The following DENND3 variants were observed in gnomAD, a reference collection of about 807,000 sequenced individuals.
DENND3 encodes the protein DENN domain-containing protein 3.
In DENND3, 88 loss-of-function variants were observed where a neutral mutation model predicts 135.1. The observed-to-expected ratio is 0.65, with a 90% CI of 0.55 to 0.78. The LOEUF is 0.78. DENND3 is among the 30% of genes least tolerant of loss of function. The pLI is 0.00. For synonymous variants in DENND3, 693 were observed against 712.3 expected (o/e 0.97, Z 0.43); for missense variants, 1,392 against 1,688.4 (o/e 0.82, Z 3.08).
chr8:141,128,661 C>A lies in DENND3; in HGVS notation c.-47C>A, dbSNP rs772484656. Reference sequence around the variant, plus strand: ...CCCCAGGGGTCTGCGGGCGACTGCGCGGCTGAGGCGCCCGAGTGCGGTACT... The same window carrying A: ...CCCCAGGGGTCTGCGGGCGACTGCGAGGCTGAGGCGCCCGAGTGCGGTACT... On this transcript the variant is annotated 5_prime_UTR_variant, in exon 1 of 23. Transcript: ENST00000519811. This position sits in a 1 kb window ranked among gnomAD's most constrained non-coding sequence, Gnocchi z 4.5. The A allele has an allele frequency of 1.6e-6, 2 of 1,253,060 alleles. No individual in the cohort carries two copies. 77.6% of individuals were successfully genotyped at this position (1,253,060 alleles called of 1,614,324 possible).
At position 141,176,542 on chromosome 8, in the gene DENND3, C is replaced by T. The variant is rs371672180; in HGVS notation, c.2536-49C>T. On this transcript the variant is annotated intron_variant, in intron 14 of 22. Coordinates refer to ENST00000519811, the MANE Select transcript of DENND3 (RefSeq NM_001352890.3). ...TCTGCCTCTGTCTCTGGTGAATCCACGTGTTCTCTGAGTGTGACATTCCTA... is the reference window on the plus strand; with the variant it reads ...TCTGCCTCTGTCTCTGGTGAATCCATGTGTTCTCTGAGTGTGACATTCCTA... 8.6e-5 allele frequency: 138 copies of T among 1,609,632 alleles called. 1 individual carries two copies. In the South Asian group the frequency reaches 1.2e-3, roughly 14 times the overall value.
In DENND3 at chr8:141,192,401, C is replaced by T. The variant is rs1206285188; in HGVS notation, c.3450C>T (p.Asn1150=). 3.1e-6 allele frequency: 5 copies of T among 1,614,134 alleles called. No individual in the cohort carries two copies. In the African/African-American group the frequency reaches 6.7e-5, roughly 22 times the overall value. The change falls in exon 21 of 23, where the codon AAC becomes AAT. Residue 1150 remains asparagine, a synonymous_variant. Transcript: ENST00000519811. ...ATCAAGAATTGAAGATTGAGGAGAACTTCAAAGACACCAGTACCTCCTTCC... is the reference window on the plus strand; with the variant it reads ...ATCAAGAATTGAAGATTGAGGAGAATTTCAAAGACACCAGTACCTCCTTCC... ...SLHQELKIEE[N]FKDTSTSFLA...
At chr8:141,142,074 T>A (rs1817528701) in intron 4 of DENND3, 3 of 295,834 alleles carry the variant, frequency 1.0e-5, no homozygotes, top group South Asian at 7.9e-5. Flanking sequence ...ACTGTCTCCC[T>A]GCTGATGGTG....
chr8:141,178,703 C>G (rs960011799), intron 16 of DENND3, among the ~76,000 whole-genome samples: 1 of 152,196 alleles, frequency 6.6e-6, no homozygotes, highest in East Asian at 1.9e-4. Flanking sequence ...CGTCAGGATC[C>G]GCTTTTTTCT....
rs775774584 is a variant in DENND3 at position 141,138,157 on chromosome 8, C to T, written c.501+20C>T. ...CTGCATGTAGGTGGTTCCCGTTACT[C>T]CCCTCTGAAATTGGGTTTAGATTTT... On this transcript the variant is annotated intron_variant, in intron 3 of 22. Coordinates refer to ENST00000519811, the MANE Select transcript of DENND3 (RefSeq NM_001352890.3). The surrounding 1 kb of genome is among the most constrained non-coding windows in gnomAD (Gnocchi z 4.8). 97 of 1,580,446 alleles carry T rather than the reference C, an allele frequency of 6.1e-5. No homozygotes were observed. Among genetic ancestry groups the T allele is most frequent in the Non-Finnish European group, 8.3e-5 (96 of 1,160,920 alleles).
chr8:141,148,805 A>C (rs553095714), intron 5 of DENND3, among the ~76,000 whole-genome samples: 2 of 152,302 alleles, frequency 1.3e-5, no homozygotes, highest in Admixed American at 1.3e-4. Context: ...AAATATTGAA[A>C]ATGTTTCATG....
In DENND3 at chr8:141,182,269, G is replaced by A. The variant is rs1265785046; in HGVS notation, c.2944+1415G>A. The A allele has an allele frequency of 1.0e-6, 1 of 979,512 alleles. No individual in the cohort carries two copies. The highest frequency in any genetic ancestry group is 4.7e-5 in the South Asian group (1 of 21,168). The allele number at this position is 979,512 out of a possible 1,614,324, so 60.7% of individuals were successfully genotyped here. On this transcript the variant is annotated intron_variant, in intron 17 of 22. Transcript: ENST00000519811. This position sits in a 1 kb window ranked among gnomAD's most constrained non-coding sequence, Gnocchi z 5.9. ...GCTCATGCTTCAGGTGGGCAGAGAA[G>A]CTGTGTGTGAAGCGATTTCCCCATA...
In DENND3 at chr8:141,183,735, TG is replaced by T. The variant is rs1253509860; in HGVS notation, c.2945-1403del. On this transcript the variant is annotated intron_variant, in intron 17 of 22. Coordinates refer to ENST00000519811, the MANE Select transcript of DENND3 (RefSeq NM_001352890.3). ...CGGTGACACTGTCAGTTTTTTGTTT[TG>T]TTTTTTTTTTTTTTTAATTTAAAAA... Among the ~76,000 whole-genome samples the T allele has an allele frequency of 3.4e-3, 475 of 141,616 alleles. 5 individuals carry two copies. The highest frequency in any genetic ancestry group is 0.013 in the African/African-American group (442 of 32,756). The allele number at this position is 141,616 out of a possible 152,430, so 92.9% of individuals were successfully genotyped here.
intron 17 of DENND3, among the ~76,000 whole-genome samples, chr8:141,181,934 A>G (rs1823174508): frequency 6.6e-6 from 1 of 151,890 alleles, no homozygotes; most frequent in African/African-American, 2.4e-5. Flanking sequence ...CACCAAATCC[A>G]GGCACGTGCC....
chr8:141,189,213 A>G (rs1001945410), intron 19 of DENND3, 67 bp downstream of exon 19: 41 of 1,603,678 alleles, frequency 2.6e-5, no homozygotes, highest in Non-Finnish European at 3.4e-5. Context: ...CACAGCGGGT[A>G]GGGTTCCCAA....
At chr8:141,171,783 TAGTG>T (rs1821602399) in intron 13 of DENND3, among the ~76,000 whole-genome samples, 2 of 150,510 alleles carry the variant, frequency 1.3e-5, no homozygotes, top group African/African-American at 4.9e-5. Context: ...GTGTGCAAAG[TAGTG>T]GGTGTGCACG....
intron 3 of DENND3, among the ~76,000 whole-genome samples, chr8:141,140,003 G>C (rs988831382): frequency 1.3e-5 from 2 of 152,004 alleles, no homozygotes; most frequent in Non-Finnish European, 2.9e-5. Flanking sequence ...GAACTCCAGG[G>C]CTAGCTCAAG....
intron 7 of DENND3, among the ~76,000 whole-genome samples, 187 bp downstream of exon 7, chr8:141,152,024 C>T (rs1454423780): frequency 6.6e-6 from 1 of 152,226 alleles, no homozygotes; most frequent in Non-Finnish European, 1.5e-5. Context: ...AGCCGGGACC[C>T]CTTAGTCTCC....
At chr8:141,193,972 G>C (rs1283330257) in intron 22 of DENND3, 61 bp from the exon 23 acceptor site, 37 of 1,564,550 alleles carry the variant, frequency 2.4e-5, no homozygotes, top group Non-Finnish European at 3.1e-5. Context: ...GCCGGGCAAA[G>C]CCCTGGTGCT....
rs138722518 is a variant in DENND3, at chr8:141,190,926, C to T, written c.3379+509C>T. ...TGGGAGGAGCAGGTGCTTTGCCTGG[C>T]GGCTGTGTCTGCATTTCTGGACGCC... On this transcript the variant is annotated intron_variant, in intron 20 of 22. Transcript: ENST00000519811. Among the ~76,000 whole-genome samples the T allele has an allele frequency of 5.9e-3, 892 of 152,314 alleles. 15 individuals are homozygous for T. Among genetic ancestry groups the T allele is most frequent in the African/African-American group, 0.02 (846 of 41,574 alleles).
rs529514280 is a variant in DENND3, at chr8:141,166,055, C to T, written c.1554-135C>T. ...CTTGGTGAGATTTGGGCAACATGTTCTTACCAGTCTGTTTTCCACTGGTGT... is the reference window on the plus strand; with the variant it reads ...CTTGGTGAGATTTGGGCAACATGTTTTTACCAGTCTGTTTTCCACTGGTGT... On this transcript the variant is annotated intron_variant, in intron 11 of 22. Coordinates refer to ENST00000519811, the MANE Select transcript of DENND3 (RefSeq NM_001352890.3). This position sits in a 1 kb window ranked among gnomAD's most constrained non-coding sequence, Gnocchi z 4.3. The T allele has an allele frequency of 3.2e-5, 29 of 904,460 alleles. No homozygotes were observed. The African/African-American group carries it at 4.6e-4, about 14-fold the overall frequency. The allele number at this position is 904,460 out of a possible 1,614,324, so 56.0% of individuals were successfully genotyped here. A position where few individuals can be genotyped will look rare whatever the true frequency, so the allele number is the denominator to read the frequency against.
chr8:141,178,086 AGGCGCT>A lies in DENND3; in HGVS notation c.2728_2733del (p.Ala910_Leu911del). ...TTGTAGGACCCTCACTACGTCCAGC[AGGCGCT>A]GACCAACGTCTTGCTGATGGACGCC... is the stretch of plus-strand genomic sequence containing the variant. On this transcript the variant is annotated inframe_deletion, in exon 16 of 23. Transcript: ENST00000519811. The A allele has an allele frequency of 6.2e-7, 1 of 1,610,410 alleles. No homozygotes were observed. The highest frequency in any genetic ancestry group is 8.5e-7 in the Non-Finnish European group (1 of 1,176,914).
chr8:141,183,190 A>G (rs2154613432), intron 17 of DENND3, among the ~76,000 whole-genome samples: 1 of 152,360 alleles, frequency 6.6e-6, no homozygotes, highest in Admixed American at 6.5e-5. Flanking sequence ...TGCATAAATT[A>G]TATATAAAAT....
In DENND3 at chr8:141,167,881, C is replaced by T; in HGVS notation, c.1754-123C>T. ...TGTGTGGAGCTTTCTGGAGGGAGCA[C>T]ACCCATTCTCATTTTATTTTGCATC... On this transcript the variant is annotated intron_variant, in intron 12 of 22. Coordinates refer to ENST00000519811, the MANE Select transcript of DENND3 (RefSeq NM_001352890.3). The surrounding 1 kb of genome is among the most constrained non-coding windows in gnomAD (Gnocchi z 4.1). 7.2e-7 allele frequency: 1 copy of T among 1,379,974 alleles called. No homozygotes were observed. Among genetic ancestry groups the T allele is most frequent in the South Asian group, 1.4e-5 (1 of 72,364 alleles). The allele number at this position is 1,379,974 out of a possible 1,614,324, so 85.5% of individuals were successfully genotyped here.
Sources: gnomAD v4.1 joint callset for allele counts (sites outside exome capture counted in the v4.1 genomes callset) on GRCh38, gnomAD v4.1.1 for gene constraint, Gnocchi (gnomAD v3.1) non-coding constraint, MANE v1.5 for transcripts, NCBI Gene and HGNC (gene_info 2026-07-23, HGNC 2026-07-21) for gene names.